The following FBXL6 variants were observed in gnomAD, a reference collection of about 807,000 sequenced individuals.
FBXL6 encodes F-box and leucine rich repeat protein 6, also known as F-box/LRR-repeat protein 6.
Under a neutral mutation model 53.3 loss-of-function variants are expected in FBXL6, and 50 were observed. The ratio of observed to expected loss-of-function variants is 0.94; its 90% CI spans 0.75 to 1.19. The LOEUF (loss-of-function observed/expected upper bound fraction) is 1.19, where lower values mean the gene tolerates loss of function less well. Ranked by LOEUF, FBXL6 falls within the 50% of genes most tolerant of loss-of-function variation. The pLI is 0.00. For missense variants in FBXL6, 815 were observed against 719.0 expected, an observed-to-expected ratio of 1.13 and a Z score of -1.53; for synonymous variants, 405 against 322.9, an observed-to-expected ratio of 1.25 and a Z score of -2.73.
chr8:144,356,000 G>A lies in FBXL6; in HGVS notation c.1440C>T (p.Leu480=). Residue 480 remains leucine, a synonymous_variant, in exon 8 of 9, where the codon CTC becomes CTT. Transcript: ENST00000331890. The part of the protein sequence containing the change: ...GSHPALCSLN[L]RGTRVTPSTV... ...TGCTTGGTGTGACCCGGGTGCCCCT[G>A]AGGTTAAGAGAGCACAGGGCTGGGT... is the stretch of plus-strand genomic sequence containing the variant. 1 of 1,613,090 alleles carries A rather than the reference G, an allele frequency of 6.2e-7. No homozygotes were observed. Among genetic ancestry groups the A allele is most frequent in the Non-Finnish European group, 8.5e-7 (1 of 1,179,948 alleles).
At chr8:144,357,216 C>G (rs559480601) in intron 3 of FBXL6, 95 bp from the exon 4 acceptor site, 1 of 1,527,812 alleles carries the variant, frequency 6.5e-7, no homozygotes, top group Admixed American at 1.9e-5. Flanking sequence ...CCCACTCTAC[C>G]GCCTTAGCTG....
In FBXL6 at chr8:144,356,584, G is replaced by C. The variant is rs782551740; in HGVS notation, c.993+16C>G. 2 of 1,612,560 alleles carry C rather than the reference G, an allele frequency of 1.2e-6. No homozygotes were observed. Among genetic ancestry groups the C allele is most frequent in the South Asian group, 2.2e-5 (2 of 91,070 alleles). ...GGGGAGGGTGTGACAGGTGGGAGAG[G>C]CAGGGCGCCAGGTACCTGGAGCTGA... On this transcript the variant is annotated intron_variant, in intron 6 of 8. Transcript: ENST00000331890.
intron 3 of FBXL6, 118 bp downstream of exon 3, chr8:144,357,321 G>A (rs1422431045): frequency 1.2e-5 from 16 of 1,290,558 alleles, no homozygotes; most frequent in Non-Finnish European, 1.7e-5. Flanking sequence ...AACCAGGCAG[G>A]CAGGCAGACA....
intron 1 of FBXL6, 55 bp downstream of exon 1, chr8:144,357,977 G>C (rs1818544927): frequency 6.5e-7 from 1 of 1,536,964 alleles, no homozygotes; most frequent in Non-Finnish European, 8.7e-7. Flanking sequence ...CCACCGCTCG[G>C]ACCACGTCTG....
At chr8:144,357,238 C>T (rs890712361) in intron 3 of FBXL6, 117 bp from the exon 4 acceptor site, 3 of 1,426,678 alleles carry the variant, frequency 2.1e-6, no homozygotes, top group African/African-American at 2.8e-5. Flanking sequence ...GACCTCCTTT[C>T]TGCCCATGCC....
chr8:144,358,055 G>A lies in FBXL6; in HGVS notation c.393C>T (p.Asp131=). The A allele has an allele frequency of 1.9e-6, 3 of 1,597,186 alleles. No individual in the cohort carries two copies. Among genetic ancestry groups the A allele is most frequent in the South Asian group, 1.1e-5 (1 of 90,662 alleles). The change falls in exon 1 of 9, where the codon GAC becomes GAT. Residue 131 remains aspartate, a synonymous_variant. Coordinates refer to ENST00000331890, the MANE Select transcript of FBXL6 (RefSeq NM_012162.4). ...VQIFGLLVAA[D]GPMPFLGRAA... ...ACCTGCCCAGGAAGGGCATGGGGCC[G>A]TCCGCCGCCACCAACAACCCGAAAA...
chr8:144,357,919 A>C lies in FBXL6; in HGVS notation c.416+113T>G. 2.1e-6 allele frequency: 3 copies of C among 1,449,066 alleles called. No individual in the cohort carries two copies. The South Asian group carries it at 4.3e-5, about 21-fold the overall frequency. 89.8% of individuals were successfully genotyped at this position (1,449,066 alleles called of 1,614,324 possible). On this transcript the variant is annotated intron_variant, in intron 1 of 8. Coordinates refer to ENST00000331890, the MANE Select transcript of FBXL6 (RefSeq NM_012162.4). ...GGCGCCTAAGGGGCTGCGCTCTCGGACTGAGCGGTGCGCGCTCCGATGCTT... is the reference window on the plus strand; with the variant it reads ...GGCGCCTAAGGGGCTGCGCTCTCGGCCTGAGCGGTGCGCGCTCCGATGCTT...
chr8:144,356,845 T>C lies in FBXL6; in HGVS notation c.842A>G (p.Tyr281Cys), dbSNP rs1554852947. 6.2e-6 allele frequency: 10 copies of C among 1,613,142 alleles called. No homozygotes were observed. The highest frequency in any genetic ancestry group is 1.3e-5 in the African/African-American group (1 of 74,880). Residue 281 changes from tyrosine (Y) to cysteine (C), a missense_variant, in exon 5 of 9, where the codon TAC becomes TGC. Tyr to Cys is a radical substitution (Grantham distance 194). Transcript: ENST00000331890. ...GSRMRKLWLTYSSQTTAILGA... is the reference protein window; with the variant it reads ...GSRMRKLWLTCSSQTTAILGA... ...CAGGATGGCTGTCGTCTGGGAGCTG[T>C]AGGTCAGCCACAACTTGCGCATTCG...
In FBXL6 at chr8:144,357,556, C is replaced by G. The variant is rs374417005; in HGVS notation, c.576-54G>C. On this transcript the variant is annotated intron_variant, in intron 2 of 8. Coordinates refer to ENST00000331890, the MANE Select transcript of FBXL6 (RefSeq NM_012162.4). ...CTAATGTTCCCACACGAGTCCTTCC[C>G]ACCCAACACCTTGGTGCAGGGAGAC... 8 of 1,611,878 alleles carry G rather than the reference C, an allele frequency of 5.0e-6. No individual in the cohort carries two copies. The African/African-American group carries it at 1.1e-4, about 22-fold the overall frequency.
At chr8:144,356,774 G>C (rs782332873) in intron 5 of FBXL6, 34 bp downstream of exon 5, 2 of 1,612,244 alleles carry the variant, frequency 1.2e-6, no homozygotes, top group East Asian at 2.2e-5. Flanking sequence ...CCCCAGCTCA[G>C]CATCTGCCTC....
rs782319631 is a variant in FBXL6 at position 144,356,178 on chromosome 8, G to T, written c.1262C>A (p.Ser421Ter). 6.3e-7 allele frequency: 1 copy of T among 1,579,142 alleles called. No homozygotes were observed. The highest frequency in any genetic ancestry group is 1.8e-5 in the Admixed American group (1 of 56,696). ...CTCCTTGGCTAGAGTCAGCCGGTCT[G>T]ACGTGCCATACAGGCCCAGATGAAG... ...EQLHLGLYGTSDRLTLAKEGS... is the reference protein window; with the variant it reads ...EQLHLGLYGT The change falls in exon 8 of 9, where the codon TCA (serine) becomes TAA (stop). Residue 421 changes from serine to a stop codon, truncating the protein, a stop_gained. Coordinates refer to ENST00000331890, the MANE Select transcript of FBXL6 (RefSeq NM_012162.4). LOFTEE classifies it high-confidence loss of function.
intron 1 of FBXL6, 36 bp from the exon 2 acceptor site, chr8:144,357,822 C>A (rs782123362): frequency 7.5e-5 from 111 of 1,472,020 alleles, no homozygotes; most frequent in Non-Finnish European, 9.4e-5. Context: ...CCGGCCCCTC[C>A]GTAGGCGATG....
Position 144,356,194 on chromosome 8 carries a change from C to T in FBXL6, c.1246G>A (p.Gly416Ser), listed in dbSNP as rs781986723. The part of the protein sequence containing the change: ...PCRELEQLHL[G>S]LYGTSDRLTL... The stretch of plus-strand genomic sequence containing the variant: ...AGCCGGTCTGACGTGCCATACAGGC[C>T]CAGATGAAGCTGCTCCAGCTCTGCA... Residue 416 changes from glycine (G) to serine (S), a missense_variant, in exon 8 of 9, where the codon GGC becomes AGC. Physicochemically the swap from Gly to Ser is moderately conservative, Grantham distance 56. Coordinates refer to ENST00000331890, the MANE Select transcript of FBXL6 (RefSeq NM_012162.4). 1.4e-6 allele frequency: 2 copies of T among 1,432,476 alleles called. No individual in the cohort carries two copies. Among genetic ancestry groups the T allele is most frequent in the South Asian group, 1.2e-5 (1 of 85,028 alleles). 88.7% of individuals were successfully genotyped at this position (1,432,476 alleles called of 1,614,324 possible).
At position 144,357,257 on chromosome 8, in the gene FBXL6, T is replaced by C. The variant is rs569537166; in HGVS notation, c.640-136A>G. The stretch of plus-strand genomic sequence containing the variant: ...TCCTTTCTGCCCATGCCAGGCCTAC[T>C]TGGGTGTCCCCGCCTCTGATACCTC... On this transcript the variant is annotated intron_variant, in intron 3 of 8. Coordinates refer to ENST00000331890, the MANE Select transcript of FBXL6 (RefSeq NM_012162.4). 7.4e-6 allele frequency: 10 copies of C among 1,347,078 alleles called. No individual in the cohort carries two copies. The South Asian group carries it at 8.4e-5, about 11-fold the overall frequency. The allele number at this position is 1,347,078 out of a possible 1,614,324, so 83.4% of individuals were successfully genotyped here. A position where few individuals can be genotyped will look rare whatever the true frequency, so the allele number is the denominator to read the frequency against.
At chr8:144,357,352 G>T in intron 3 of FBXL6, 87 bp downstream of exon 3, 1 of 1,398,042 alleles carries the variant, frequency 7.2e-7, no homozygotes, top group Non-Finnish European at 9.8e-7. Context: ...GCAGCGTTGG[G>T]CCCCCAAGGT....
At chr8:144,357,919 A>T in intron 1 of FBXL6, 113 bp downstream of exon 1, 1 of 1,449,066 alleles carries the variant, frequency 6.9e-7, no homozygotes, top group Non-Finnish European at 9.0e-7. Context: ...GCGCTCTCGG[A>T]CTGAGCGGTG....
rs1564648569 is a variant in FBXL6, at chr8:144,356,557, T to TG, written c.994-27dup. On this transcript the variant is annotated intron_variant, in intron 6 of 8. Transcript: ENST00000331890. ...CTGGGGGCAAGGTCCAGGCTGTAGA[T>TG]GGGGGAGGGTGTGACAGGTGGGAGA... The TG allele has an allele frequency of 3.1e-6, 5 of 1,612,232 alleles. No homozygotes were observed. In the Admixed American group the frequency reaches 5.0e-5, roughly 16 times the overall value.
At chr8:144,357,887 C>T (rs1818539429) in intron 1 of FBXL6, 101 bp from the exon 2 acceptor site, 7 of 1,438,132 alleles carry the variant, frequency 4.9e-6, no homozygotes, top group Non-Finnish European at 6.4e-6. Context: ...TCCTGGGACT[C>T]CAACTGGGCG....
Position 144,356,349 on chromosome 8 carries a change from ACGAAGAT to A in FBXL6, c.1169_1175del (p.Asp390ValfsTer33). On this transcript the variant is annotated frameshift_variant, in exon 7 of 9. Coordinates refer to ENST00000331890, the MANE Select transcript of FBXL6 (RefSeq NM_012162.4). LOFTEE classifies it high-confidence loss of function. ...CAGCCGGCGTGATGCGCGCACAGCC[ACGAAGAT>A]CCAGTAAGCGCAGGTTGGGAGAGCC... 1 of 1,216,768 alleles carries A rather than the reference ACGAAGAT, an allele frequency of 8.2e-7. No homozygotes were observed. The highest frequency in any genetic ancestry group is 2.8e-5 in the Admixed American group (1 of 35,220). 75.4% of individuals were successfully genotyped at this position (1,216,768 alleles called of 1,614,324 possible).
Sources: allele counts gnomAD v4.1 joint callset, GRCh38; gene constraint gnomAD v4.1.1; transcripts MANE v1.5; gene names NCBI Gene and HGNC (gene_info 2026-07-23, HGNC 2026-07-21).